Variants in CMIP observed in about 807,000 individuals in gnomAD.
CMIP encodes the protein C-Maf-inducing protein.
CMIP carries 13 observed loss-of-function variants against 97.3 expected under a neutral mutation model. The ratio of observed to expected loss-of-function variants is 0.13; its 90% CI spans 0.09 to 0.21. The LOEUF is 0.21. Ranked by LOEUF, CMIP falls within the 10% of genes least tolerant of loss-of-function variation. CMIP has a pLI of 1.00. For synonymous variants in CMIP, 538 were observed against 436.3 expected (o/e 1.23, Z -2.91); for missense variants, 847 against 1,024.9 (o/e 0.83, Z 2.37).
chr16:81,607,018 AC>A (rs1362032748), intron 1 of CMIP: 2 of 154,804 alleles, frequency 1.3e-5, no homozygotes. Context: ...GGGAGAGCAG[AC>A]CCCGCTGGGT....
intron 1 of CMIP, among the ~76,000 whole-genome samples, chr16:81,501,284 G>C (rs1248465218): frequency 6.6e-6 from 1 of 152,264 alleles, no homozygotes; most frequent in East Asian, 1.9e-4. Flanking sequence ...TTTGGGTTGT[G>C]ACGCACGGGC....
chr16:81,553,251 G>A (rs926680442), intron 1 of CMIP, among the ~76,000 whole-genome samples: 1 of 152,178 alleles, frequency 6.6e-6, no homozygotes, highest in Non-Finnish European at 1.5e-5. Context: ...AAGATGAAGG[G>A]GCTGGCTTCC....
intron 1 of CMIP, among the ~76,000 whole-genome samples, chr16:81,597,440 T>C (rs1008140258): frequency 2.6e-5 from 4 of 152,200 alleles, no homozygotes; most frequent in African/African-American, 9.7e-5. Flanking sequence ...CCTGAATAGC[T>C]GTGTGCGGTT....
intron 10 of CMIP, among the ~76,000 whole-genome samples, chr16:81,681,003 G>T (rs1050031549): frequency 3.3e-5 from 5 of 152,054 alleles, no homozygotes; most frequent in African/African-American, 9.7e-5. Context: ...CCCCATCTGC[G>T]TCCAGACCCC....
At position 81,649,791 on chromosome 16, in the gene CMIP, G is replaced by A. The variant is rs190103492; in HGVS notation, c.478-2412G>A. ...GTGTGGATCGCTGTGGTTTGCTTTGGGGCTTGATATAGGGTGGATTTTGTG... is the reference window on the plus strand; with the variant it reads ...GTGTGGATCGCTGTGGTTTGCTTTGAGGCTTGATATAGGGTGGATTTTGTG... On this transcript the variant is annotated intron_variant, in intron 3 of 20. Transcript: ENST00000537098. Among the ~76,000 whole-genome samples, 312 of 148,130 alleles carry A rather than the reference G, an allele frequency of 2.1e-3. 5 individuals carry two copies. In the South Asian group the frequency reaches 0.04, roughly 19 times the overall value.
intron 1 of CMIP, among the ~76,000 whole-genome samples, chr16:81,552,483 C>G (rs536140667): frequency 6.6e-6 from 1 of 152,264 alleles, no homozygotes; most frequent in South Asian, 2.1e-4. Context: ...GACAGAATCT[C>G]TTCCCATGCC....
intron 13 of CMIP, among the ~76,000 whole-genome samples, chr16:81,693,766 CTCT>C (rs1477443507): frequency 6.6e-6 from 1 of 152,218 alleles, no homozygotes. Context: ...GGCATGGCAG[CTCT>C]CAACCAGCTC....
At chr16:81,671,915 A>G (rs760295459) in intron 8 of CMIP, 51 bp from the exon 9 acceptor site, 333 of 937,138 alleles carry the variant, frequency 3.6e-4, no homozygotes, top group Non-Finnish European at 5.0e-4. Context: ...TACCCTGTCC[A>G]TGGGCCCCAC....
At chr16:81,605,746 C>T (rs1019492246) in intron 1 of CMIP, among the ~76,000 whole-genome samples, 2 of 152,216 alleles carry the variant, frequency 1.3e-5, no homozygotes, top group Non-Finnish European at 2.9e-5. Context: ...ATTCTTTATG[C>T]GGCCCTTGCC....
intron 17 of CMIP, among the ~76,000 whole-genome samples, chr16:81,702,910 T>A (rs1907580016): frequency 6.6e-6 from 1 of 152,218 alleles, no homozygotes; most frequent in South Asian, 2.1e-4. Context: ...TGTTGATATC[T>A]AGTTATTAAT....
intron 1 of CMIP, among the ~76,000 whole-genome samples, chr16:81,498,808 C>CA (rs2089542270): frequency 1.3e-5 from 2 of 152,220 alleles, no homozygotes; most frequent in Non-Finnish European, 2.9e-5. Context: ...ACACCCAGCC[C>CA]ATATCTTCCT....
At chr16:81,603,155 C>G (rs1173521342) in intron 1 of CMIP, among the ~76,000 whole-genome samples, 7 of 152,212 alleles carry the variant, frequency 4.6e-5, no homozygotes, top group African/African-American at 1.4e-4. Flanking sequence ...TCTCGGCTCA[C>G]TGCAAGCTTC....
chr16:81,671,888 C>A, intron 8 of CMIP, 78 bp from the exon 9 acceptor site: 1 of 694,030 alleles, frequency 1.4e-6, no homozygotes, highest in Non-Finnish European at 2.5e-6. Flanking sequence ...CTGAGCAACG[C>A]CCTCCCTTTC....
chr16:81,490,798 C>A (rs2089393124), intron 1 of CMIP, among the ~76,000 whole-genome samples: 2 of 149,582 alleles, frequency 1.3e-5, no homozygotes, highest in Admixed American at 1.3e-4. Context: ...CTGGGTAGAA[C>A]ATTCCAGACA....
In CMIP at chr16:81,662,973, TTA is replaced by T. The variant is rs996521269; in HGVS notation, c.745-1290_745-1289del. ...GAATCTTAGCTTTACAGAAGTCTCA[TTA>T]TATATTAAATAAGGACCCTGTCAGA... On this transcript the variant is annotated intron_variant, in intron 6 of 20. Coordinates refer to ENST00000537098, the MANE Select transcript of CMIP (RefSeq NM_198390.3). Among the ~76,000 whole-genome samples the T allele has an allele frequency of 2.7e-4, 41 of 152,272 alleles. 1 individual carries two copies. The highest frequency in any genetic ancestry group is 2.2e-3 in the Admixed American group (33 of 15,290).
At chr16:81,495,226 C>T in intron 1 of CMIP, 8 of 1,112,784 alleles carry the variant, frequency 7.2e-6, no homozygotes, top group Non-Finnish European at 8.5e-6. Flanking sequence ...TAGGGTTTCT[C>T]AGTGAAACAG....
intron 3 of CMIP, chr16:81,632,019 C>T (rs2092168476): frequency 6.6e-6 from 1 of 152,190 alleles, no homozygotes; most frequent in Non-Finnish European, 1.5e-5. Context: ...CTAAATCTCT[C>T]TTAACTTCTT....
rs1350797773 is a variant in CMIP at position 81,445,278 on chromosome 16, C to G, written c.37C>G (p.Pro13Ala). The change falls in exon 1 of 21, where the codon CCC becomes GCC. Residue 13 changes from proline (P) to alanine (A), a missense_variant. By Grantham distance (27) the Pro-to-Ala change is conservative. Transcript: ENST00000537098. ...VTSSSGGGGD[P>A]RQIEETKPLL... ...CAGCAGCTCGGGCGGCGGCGGCGAC[C>G]CCCGGCAGATCGAGGAGACCAAGCC... is the stretch of plus-strand genomic sequence containing the variant. The G allele has an allele frequency of 6.5e-7, 1 of 1,546,670 alleles. No individual in the cohort carries two copies. Among genetic ancestry groups the G allele is most frequent in the Admixed American group, 2.0e-5 (1 of 51,000 alleles).
chr16:81,629,613 G>T (rs894735212), intron 3 of CMIP, among the ~76,000 whole-genome samples: 1 of 152,222 alleles, frequency 6.6e-6, no homozygotes, highest in African/African-American at 2.4e-5. Flanking sequence ...CCCAGCTCCT[G>T]CCAGTTATGA....
Sources: allele counts gnomAD v4.1 joint callset (sites outside exome capture counted in the v4.1 genomes callset), GRCh38; gene constraint gnomAD v4.1.1; transcripts MANE v1.5; gene names NCBI Gene and HGNC (gene_info 2026-07-23, HGNC 2026-07-21).